Variants in NXN observed in about 807,000 individuals in gnomAD.
The protein encoded by NXN is nucleoredoxin 1.
NXN carries 16 observed loss-of-function variants against 48.6 expected under a neutral mutation model. The ratio of observed to expected loss-of-function variants is 0.33; its 90% CI spans 0.22 to 0.50. The LOEUF is 0.50. NXN is among the 20% of genes least tolerant of loss of function. The pLI is 0.98. For synonymous variants in NXN, 281 were observed against 269.6 expected, an observed-to-expected ratio of 1.04 and a Z score of -0.41; for missense variants, 492 against 605.5, an observed-to-expected ratio of 0.81 and a Z score of 1.97.
intron 1 of NXN, among the ~76,000 whole-genome samples, chr17:939,918 C>T (rs1036345938): frequency 3.3e-5 from 5 of 151,432 alleles, no homozygotes; most frequent in African/African-American, 9.7e-5. Flanking sequence ...AGGGAGAGTG[C>T]AGTCAACTCC....
intron 1 of NXN, among the ~76,000 whole-genome samples, chr17:926,255 T>G (rs2068797485): frequency 6.6e-6 from 1 of 152,108 alleles, no homozygotes; most frequent in South Asian, 2.1e-4. Context: ...GCACCGTCAA[T>G]GGCTCACTGC....
intron 1 of NXN, among the ~76,000 whole-genome samples, chr17:873,877 G>A (rs887786385): frequency 6.6e-6 from 1 of 152,170 alleles, no homozygotes; most frequent in African/African-American, 2.4e-5. Context: ...CACGGGTTCT[G>A]GTGAGGATGA....
At chr17:885,672 CTTT>C (rs532225883) in intron 1 of NXN, among the ~76,000 whole-genome samples, 85 of 83,728 alleles carry the variant, frequency 1.0e-3, no homozygotes, top group African/African-American at 5.1e-3. Flanking sequence ...GCGGTACTCG[CTTT>C]TTTTTTTTTT....
chr17:916,979 G>C (rs1279837171), intron 1 of NXN, among the ~76,000 whole-genome samples: 3 of 152,190 alleles, frequency 2.0e-5, no homozygotes, highest in Non-Finnish European at 1.5e-5. Flanking sequence ...AAACCACCTT[G>C]AAGGTGGGTA....
chr17:948,782 C>T (rs1343580576), intron 1 of NXN, among the ~76,000 whole-genome samples: 3 of 151,696 alleles, frequency 2.0e-5, no homozygotes, highest in East Asian at 3.9e-4. Context: ...TCCCGGGACA[C>T]GAGGAAACAG....
chr17:939,495 G>A (rs371685513), intron 1 of NXN, among the ~76,000 whole-genome samples: 36 of 151,874 alleles, frequency 2.4e-4, no homozygotes, highest in African/African-American at 4.8e-4. Flanking sequence ...ACAGGTGCCC[G>A]CCACCACGCC....
chr17:895,280 G>A (rs987708221), intron 1 of NXN, among the ~76,000 whole-genome samples: 1 of 151,710 alleles, frequency 6.6e-6, no homozygotes, highest in Non-Finnish European at 1.5e-5. Flanking sequence ...GCCTCCCAAA[G>A]TGCTGGGATG....
At chr17:835,103 TC>T (rs1453324887) in intron 1 of NXN, among the ~76,000 whole-genome samples, 2 of 150,456 alleles carry the variant, frequency 1.3e-5, no homozygotes, top group Non-Finnish European at 3.0e-5. Context: ...GGTCAGGAGA[TC>T]GAGACCATCC....
At position 958,222 on chromosome 17, in the gene NXN, G is replaced by A. The variant is rs1359425403; in HGVS notation, c.360+21097C>T. ...TCTTTCCAGAAGGCTTTTCTTGCAG[G>A]AGGTGGCTGCCAGCTTGTCCCTTCC... On this transcript the variant is annotated intron_variant, in intron 1 of 7. Transcript: ENST00000336868. This position sits in a 1 kb window ranked among gnomAD's most constrained non-coding sequence, Gnocchi z 6.9. Among the ~76,000 whole-genome samples, 1 of 152,180 alleles carries A rather than the reference G, an allele frequency of 6.6e-6. No individual in the cohort carries two copies. Among genetic ancestry groups the A allele is most frequent in the Admixed American group, 6.5e-5 (1 of 15,272 alleles).
At chr17:868,484 TTTTG>T (rs764002417) in intron 1 of NXN, among the ~76,000 whole-genome samples, 138 of 152,114 alleles carry the variant, frequency 9.1e-4, no homozygotes, top group African/African-American at 2.3e-3. Flanking sequence ...TTTTTTGGTT[TTTTG>T]TTTGTTTGTT....
chr17:881,196 G>A (rs936343710), intron 1 of NXN, among the ~76,000 whole-genome samples: 1 of 152,226 alleles, frequency 6.6e-6, no homozygotes, highest in Non-Finnish European at 1.5e-5. Flanking sequence ...CCCGGGTGAG[G>A]ACGTGGAGCA....
intron 1 of NXN, among the ~76,000 whole-genome samples, chr17:931,565 A>AGG (rs1567506728): frequency 6.6e-6 from 1 of 152,062 alleles, no homozygotes; most frequent in Admixed American, 6.6e-5. Flanking sequence ...GGCCGGGCGC[A>AGG]GTGGCTCACA....
At position 823,102 on chromosome 17, in the gene NXN, A is replaced by G. The variant is rs540055742; in HGVS notation, c.612+530T>C. ...GCGACAGAGCAAGACTCTGTCTCAA[A>G]AAAAAAAAAAAGGGGGCCAGGCACG... On this transcript the variant is annotated intron_variant, in intron 3 of 7. Transcript: ENST00000336868. Among the ~76,000 whole-genome samples, 5 of 140,222 alleles carry G rather than the reference A, an allele frequency of 3.6e-5. No homozygotes were observed. The South Asian group carries it at 1.1e-3, about 32-fold the overall frequency. The allele number at this position is 140,222 out of a possible 152,430, so 92.0% of individuals were successfully genotyped here. A position where few individuals can be genotyped will look rare whatever the true frequency, so the allele number is the denominator to read the frequency against.
At chr17:878,092 A>C (rs999909798) in intron 1 of NXN, 1 of 151,444 alleles carries the variant, frequency 6.6e-6, no homozygotes, top group African/African-American at 2.4e-5. Context: ...GAATGCAGGC[A>C]ATGACGCCGT....
At chr17:937,053 C>T (rs2068915588) in intron 1 of NXN, among the ~76,000 whole-genome samples, 1 of 151,900 alleles carries the variant, frequency 6.6e-6, no homozygotes, top group African/African-American at 2.4e-5. Flanking sequence ...ACTCTGCAGC[C>T]TTTACTGCAG....
At chr17:812,566 TGA>T (rs934206611) in intron 5 of NXN, among the ~76,000 whole-genome samples, 49 of 145,088 alleles carry the variant, frequency 3.4e-4, no homozygotes, top group East Asian at 5.8e-4. Context: ...AGTGTGTGTG[TGA>T]GTCTGTGTGT....
chr17:948,222 T>C (rs2069067736), intron 1 of NXN, among the ~76,000 whole-genome samples: 1 of 152,136 alleles, frequency 6.6e-6, no homozygotes, highest in African/African-American at 2.4e-5. Context: ...CTAGAGGTAA[T>C]TTACAGTACA....
At chr17:807,707 C>G (rs1124485) in intron 5 of NXN, among the ~76,000 whole-genome samples, 34,336 of 152,224 alleles carry the variant, frequency 0.23, 4,578 homozygotes, top group East Asian at 0.38. Flanking sequence ...AACTTGGGCC[C>G]AAGGAAGCCA....
At position 958,647 on chromosome 17, in the gene NXN, T is replaced by A. The variant is rs932283485; in HGVS notation, c.360+20672A>T. On this transcript the variant is annotated intron_variant, in intron 1 of 7. Coordinates refer to ENST00000336868, the MANE Select transcript of NXN (RefSeq NM_022463.5). The surrounding 1 kb of genome is among the most constrained non-coding windows in gnomAD (Gnocchi z 6.9). ...TTAGCCAGGCGTGGTGGCGTGCGCC[T>A]GTAGTCCCAGCTACTCAGGAGGCTG... is the stretch of plus-strand genomic sequence containing the variant. Among the ~76,000 whole-genome samples, 1 of 152,104 alleles carries A rather than the reference T, an allele frequency of 6.6e-6. No individual in the cohort carries two copies. The highest frequency in any genetic ancestry group is 6.6e-5 in the Admixed American group (1 of 15,244).
Sources: gnomAD v4.1 joint callset for allele counts (sites outside exome capture counted in the v4.1 genomes callset) on GRCh38, gnomAD v4.1.1 for gene constraint, Gnocchi (gnomAD v3.1) non-coding constraint, MANE v1.5 for transcripts, NCBI Gene and HGNC (gene_info 2026-07-23, HGNC 2026-07-21) for gene names.